The following RNF150 variants were observed in gnomAD, a reference collection of about 807,000 sequenced individuals.
The protein encoded by RNF150 is ring finger protein 150.
A neutral mutation model predicts 39.3 loss-of-function variants in RNF150; 24 were observed. The observed-to-expected ratio is 0.61, with a 90% CI of 0.44 to 0.86. The LOEUF (loss-of-function observed/expected upper bound fraction) is 0.86, where lower values mean the gene tolerates loss of function less well. Ranked by LOEUF, RNF150 falls within the 40% of genes least tolerant of loss-of-function variation. RNF150 has a pLI of 0.00. For missense variants in RNF150, 502 were observed against 587.8 expected, an observed-to-expected ratio of 0.85 and a Z score of 1.51; for synonymous variants, 255 against 227.3, an observed-to-expected ratio of 1.12 and a Z score of -1.10.
At chr4:141,196,107 T>C (rs1176542052) in intron 1 of RNF150, among the ~76,000 whole-genome samples, 2 of 152,182 alleles carry the variant, frequency 1.3e-5, no homozygotes, top group East Asian at 3.8e-4. Context: ...AGGTAAAGCT[T>C]TCCTCTTGTC....
chr4:140,961,709 T>A (rs184969001), intron 2 of RNF150, among the ~76,000 whole-genome samples: 1 of 152,200 alleles, frequency 6.6e-6, no homozygotes. Context: ...GGAAGGAGTG[T>A]TAACTTTTAA....
intron 6 of RNF150, among the ~76,000 whole-genome samples, chr4:140,889,738 C>A (rs1729693878): frequency 1.3e-5 from 2 of 152,140 alleles, no homozygotes; most frequent in South Asian, 4.2e-4. Context: ...GATTGCCTGC[C>A]CTAATTAATA....
intron 1 of RNF150, among the ~76,000 whole-genome samples, chr4:140,969,319 A>G (rs1407630870): frequency 3.3e-5 from 5 of 152,154 alleles, no homozygotes; most frequent in Non-Finnish European, 4.4e-5. Flanking sequence ...TGCAAATCCA[A>G]TTGTAAAATC....
chr4:141,077,658 T>C (rs1206804737), intron 1 of RNF150, among the ~76,000 whole-genome samples: 2 of 152,244 alleles, frequency 1.3e-5, no homozygotes, highest in Admixed American at 6.5e-5. Context: ...AATTCTACCA[T>C]TGTTTATAAC....
intron 1 of RNF150, among the ~76,000 whole-genome samples, chr4:140,989,799 A>G (rs1327458464): frequency 6.6e-6 from 1 of 152,072 alleles, no homozygotes; most frequent in African/African-American, 2.4e-5. Context: ...AATTATTTAC[A>G]GTCTGGCTCT....
intron 1 of RNF150, among the ~76,000 whole-genome samples, chr4:141,074,642 T>C (rs181338862): frequency 6.6e-6 from 1 of 152,166 alleles, no homozygotes; most frequent in African/African-American, 2.4e-5. Flanking sequence ...AAGGCAGGCA[T>C]AACCACTCCA....
chr4:141,158,068 G>A (rs941511754), intron 1 of RNF150, among the ~76,000 whole-genome samples: 10 of 152,162 alleles, frequency 6.6e-5, no homozygotes, highest in African/African-American at 1.7e-4. Flanking sequence ...TGAGGCAGGC[G>A]GATCACGAGG....
chr4:141,193,653 C>A (rs1040776039), intron 1 of RNF150, among the ~76,000 whole-genome samples: 3 of 152,092 alleles, frequency 2.0e-5, no homozygotes, highest in Non-Finnish European at 4.4e-5. Context: ...CCACCTGCCA[C>A]AATGCAACAG....
Position 140,938,405 on chromosome 4 carries a change from A to G in RNF150, c.890+9249T>C, listed in dbSNP as rs530387272. ...CCTAAAGAGGGAATTTCACAAATGA[A>G]TATCAGAGTCCAACTTTGATTTTGC... On this transcript the variant is annotated intron_variant, in intron 4 of 6. Coordinates refer to ENST00000515673, the MANE Select transcript of RNF150 (RefSeq NM_020724.2). Among the ~76,000 whole-genome samples, 7 of 152,274 alleles carry G rather than the reference A, an allele frequency of 4.6e-5. No individual in the cohort carries two copies. The South Asian group carries it at 1.5e-3, about 32-fold the overall frequency.
At chr4:141,182,897 A>G (rs1197909460) in intron 1 of RNF150, among the ~76,000 whole-genome samples, 4 of 150,124 alleles carry the variant, frequency 2.7e-5, no homozygotes, top group African/African-American at 9.9e-5. Context: ...AAAAGAACAA[A>G]GCTGGAGGCA....
chr4:141,208,504 C>T (rs1728412796), intron 1 of RNF150, among the ~76,000 whole-genome samples: 1 of 152,236 alleles, frequency 6.6e-6, no homozygotes, highest in South Asian at 2.1e-4. Flanking sequence ...TGAGTGCCAT[C>T]ACCCTGTCAG....
chr4:140,871,055 A>C (rs994302503), intron 6 of RNF150, among the ~76,000 whole-genome samples: 4 of 151,896 alleles, frequency 2.6e-5, no homozygotes, highest in African/African-American at 9.7e-5. Context: ...ACTTATGAGA[A>C]CTGGGAATCT....
At chr4:141,041,548 T>C (rs1736372794) in intron 1 of RNF150, among the ~76,000 whole-genome samples, 1 of 152,068 alleles carries the variant, frequency 6.6e-6, no homozygotes, top group African/African-American at 2.4e-5. Context: ...GTTCCCAGAA[T>C]CCAAGACTCT....
In RNF150 at chr4:140,863,001, C is replaced by G. The variant is rs1335427994; in HGVS notation, c.*5260G>C. 6.6e-6 allele frequency: 1 copy of G among 152,098 alleles called. No individual in the cohort carries two copies. Among genetic ancestry groups the G allele is most frequent in the Non-Finnish European group, 1.5e-5 (1 of 68,030 alleles). 9.4% of individuals were successfully genotyped at this position (152,098 alleles called of 1,614,324 possible). ...CCATGCAATGGCATGGATGAAGGACCTCGGTGGCCAAGAGCACTGCATGAA... is the reference window on the plus strand; with the variant it reads ...CCATGCAATGGCATGGATGAAGGACGTCGGTGGCCAAGAGCACTGCATGAA... On this transcript the variant is annotated 3_prime_UTR_variant, in exon 7 of 7. Transcript: ENST00000515673.
chr4:141,176,458 G>T (rs554302510), intron 1 of RNF150, among the ~76,000 whole-genome samples: 48 of 152,256 alleles, frequency 3.2e-4, no homozygotes, highest in African/African-American at 1.2e-3. Flanking sequence ...TGCCCATCCA[G>T]TCCTTAGTGG....
intron 5 of RNF150, among the ~76,000 whole-genome samples, chr4:140,924,523 G>A (rs1250994208): frequency 2.0e-5 from 3 of 151,846 alleles, no homozygotes; most frequent in African/African-American, 7.3e-5. Flanking sequence ...GGATGCAACT[G>A]TCTCTGTCTC....
chr4:141,142,374 C>T (rs1362534655), intron 1 of RNF150, among the ~76,000 whole-genome samples: 1 of 152,190 alleles, frequency 6.6e-6, no homozygotes, highest in Non-Finnish European at 1.5e-5. Flanking sequence ...ACCATGATCT[C>T]CTCCCTCTTC....
chr4:141,019,375 T>C lies in RNF150; in HGVS notation c.485-51502A>G, dbSNP rs564838727. 7.2e-5 allele frequency among the ~76,000 whole-genome samples: 11 copies of C among 152,176 alleles called. No individual in the cohort carries two copies. The East Asian group carries it at 2.1e-3, about 29-fold the overall frequency. On this transcript the variant is annotated intron_variant, in intron 1 of 6. Transcript: ENST00000515673. ...GATTTAAAACTATTTTTTCCAGGTA[T>C]GAAAAAATATTTTTTAAAGTATCAC...
At chr4:141,034,757 G>C (rs1020081307) in intron 1 of RNF150, among the ~76,000 whole-genome samples, 4 of 152,070 alleles carry the variant, frequency 2.6e-5, no homozygotes, top group African/African-American at 7.2e-5. Context: ...CTAGTCAATA[G>C]AGCAGTCAGA....
Sources: gnomAD v4.1 joint callset for allele counts (sites outside exome capture counted in the v4.1 genomes callset) on GRCh38, gnomAD v4.1.1 for gene constraint, MANE v1.5 for transcripts, NCBI Gene and HGNC (gene_info 2026-07-23, HGNC 2026-07-21) for gene names.